The following ENTREP2 variants were observed in gnomAD, a reference collection of about 807,000 sequenced individuals.
ENTREP2 encodes protein ENTREP2.
At chr15:29,578,441 C>T in the ENTREP2 span, among the ~76,000 whole-genome samples, 61 of 152,298 alleles carry the variant, frequency 4.0e-4, no homozygotes, top group Admixed American at 3.1e-3. Context: ...TCCCTGGACA[C>T]TGATGGAGAA....
At chr15:29,534,694 C>T in the ENTREP2 span, among the ~76,000 whole-genome samples, 1 of 152,140 alleles carries the variant, frequency 6.6e-6, no homozygotes, top group Non-Finnish European at 1.5e-5. Context: ...CCTATAAAAA[C>T]GTGGCAAGCC....
the ENTREP2 span, among the ~76,000 whole-genome samples, chr15:29,335,049 A>G: frequency 2.0e-5 from 3 of 152,198 alleles, no homozygotes; most frequent in African/African-American, 7.2e-5. Flanking sequence ...GTATGGCCCC[A>G]GCACAGCTGC....
At chr15:29,254,269 C>CATAAAACTG in the ENTREP2 span, among the ~76,000 whole-genome samples, 376 of 149,730 alleles carry the variant, frequency 2.5e-3, 1 homozygote, top group Middle Eastern at 0.033. Flanking sequence ...CAAAACTCTG[C>CATAAAACTG]ATAAAACTGA....
chr15:29,159,368 C>CT, the ENTREP2 span, among the ~76,000 whole-genome samples: 2 of 152,066 alleles, frequency 1.3e-5, no homozygotes, highest in African/African-American at 4.8e-5. Flanking sequence ...CAAGGTGGAC[C>CT]GAGAGAGTGA....
At chr15:29,527,175 C>G in the ENTREP2 span, among the ~76,000 whole-genome samples, 2 of 152,152 alleles carry the variant, frequency 1.3e-5, no homozygotes, top group Non-Finnish European at 2.9e-5. Context: ...CCAGGCCATG[C>G]CCCCGTTTCT....
At chr15:29,602,842 C>T in the ENTREP2 span, among the ~76,000 whole-genome samples, 1 of 152,234 alleles carries the variant, frequency 6.6e-6, no homozygotes, top group Admixed American at 6.5e-5. Flanking sequence ...ATCTGATCCA[C>T]ACACCAGCCT....
chr15:29,624,178 C>G, the ENTREP2 span, among the ~76,000 whole-genome samples: 2 of 152,308 alleles, frequency 1.3e-5, no homozygotes, highest in East Asian at 3.9e-4. Flanking sequence ...TAGTCTATAT[C>G]CTATGATAGT....
At chr15:29,489,130 T>C in the ENTREP2 span, among the ~76,000 whole-genome samples, 2 of 135,336 alleles carry the variant, frequency 1.5e-5, no homozygotes, top group Non-Finnish European at 3.1e-5. Context: ...TTCACCTCAG[T>C]AAAGAAAAAT....
the ENTREP2 span, among the ~76,000 whole-genome samples, chr15:29,674,142 G>A: frequency 1.5e-5 from 2 of 135,728 alleles, no homozygotes; most frequent in African/African-American, 2.6e-5. Context: ...GGGGGGGGGG[G>A]GCTTTGCCAG....
chr15:29,337,559 G>T, the ENTREP2 span, among the ~76,000 whole-genome samples: 3 of 152,162 alleles, frequency 2.0e-5, no homozygotes, highest in African/African-American at 7.2e-5. Flanking sequence ...AACTGCAAGA[G>T]AAATAGATCC....
the ENTREP2 span, among the ~76,000 whole-genome samples, chr15:29,491,060 G>A: frequency 6.6e-6 from 1 of 152,186 alleles, no homozygotes; most frequent in Non-Finnish European, 1.5e-5. Flanking sequence ...TTCGAGTGTG[G>A]CACAGGCGGG....
At chr15:29,228,470 G>C in the ENTREP2 span, among the ~76,000 whole-genome samples, 1 of 152,176 alleles carries the variant, frequency 6.6e-6, no homozygotes, top group Non-Finnish European at 1.5e-5. Flanking sequence ...GTTATTGTTT[G>C]ATGGGTATAA....
the ENTREP2 span, among the ~76,000 whole-genome samples, chr15:29,529,660 AGC>A: frequency 1.3e-5 from 2 of 152,226 alleles, no homozygotes; most frequent in East Asian, 3.9e-4. Context: ...CAGATGCCAG[AGC>A]ACCCAAATAT....
chr15:29,373,631 A>T, the ENTREP2 span: 3 of 151,510 alleles, frequency 2.0e-5, no homozygotes, highest in Non-Finnish European at 1.5e-5. Context: ...GCTTTCTTTT[A>T]TTTTTATTTT....
At chr15:29,603,921 G>A in the ENTREP2 span, among the ~76,000 whole-genome samples, 1 of 152,166 alleles carries the variant, frequency 6.6e-6, no homozygotes, top group Non-Finnish European at 1.5e-5. Flanking sequence ...TTATAGGCAT[G>A]AGCCAACATG....
chr15:29,655,787 A>C, the ENTREP2 span, among the ~76,000 whole-genome samples: 2 of 152,320 alleles, frequency 1.3e-5, no homozygotes, highest in South Asian at 2.1e-4. Flanking sequence ...GCACTTGAGG[A>C]GGCCAAGGGG....
the ENTREP2 span, among the ~76,000 whole-genome samples, chr15:29,484,048 C>CCCA: frequency 1.3e-5 from 2 of 152,048 alleles, no homozygotes; most frequent in African/African-American, 4.8e-5. Context: ...ACATGTGCAA[C>CCCA]CCAGGAGGGC....
At chr15:29,546,540 A>G in the ENTREP2 span, among the ~76,000 whole-genome samples, 4 of 152,210 alleles carry the variant, frequency 2.6e-5, no homozygotes, top group African/African-American at 9.6e-5. Flanking sequence ...CTTTGTGAAA[A>G]TAACGAGAAT....
the ENTREP2 span, among the ~76,000 whole-genome samples, chr15:29,367,185 T>G: frequency 6.6e-6 from 1 of 152,210 alleles, no homozygotes; most frequent in Admixed American, 6.5e-5. Context: ...TGGCTTGCCC[T>G]AGTCCCATCC....
Sources: allele counts gnomAD v4.1 joint callset (sites outside exome capture counted in the v4.1 genomes callset), GRCh38; gene constraint gnomAD v4.1.1; transcripts MANE v1.5; gene names NCBI Gene and HGNC (gene_info 2026-07-23, HGNC 2026-07-21).